ANKS1B: variants seen among roughly 807,000 people sequenced by gnomAD.
ANKS1B encodes ankyrin repeat and sterile alpha motif domain-containing protein 1B.
In ANKS1B, 36 loss-of-function variants were observed where a neutral mutation model predicts 148.3. The ratio of observed to expected loss-of-function variants is 0.24; its 90% CI spans 0.19 to 0.32. The LOEUF (loss-of-function observed/expected upper bound fraction) is 0.32, where lower values mean the gene tolerates loss of function less well. ANKS1B is among the 10% of genes least tolerant of loss of function. The pLI is 1.00. For missense variants in ANKS1B, 1,157 were observed against 1,542.6 expected, an observed-to-expected ratio of 0.75 and a Z score of 4.19; for synonymous variants, 542 against 560.8, an observed-to-expected ratio of 0.97 and a Z score of 0.47.
At chr12:99,814,198 C>T (rs547557198) in intron 2 of ANKS1B, among the ~76,000 whole-genome samples, 21 of 151,614 alleles carry the variant, frequency 1.4e-4, no homozygotes, top group South Asian at 4.2e-4. Context: ...GATGAAATCA[C>T]GTAATTAGAC....
At chr12:99,861,915 A>T (rs1231827317) in intron 1 of ANKS1B, among the ~76,000 whole-genome samples, 2 of 150,096 alleles carry the variant, frequency 1.3e-5, no homozygotes, top group African/African-American at 2.5e-5. Context: ...GAAAAAAATT[A>T]ACACTTTTGG....
intron 14 of ANKS1B, among the ~76,000 whole-genome samples, chr12:99,217,680 T>G (rs969357950): frequency 6.6e-6 from 1 of 152,170 alleles, no homozygotes; most frequent in Non-Finnish European, 1.5e-5. Flanking sequence ...AAAATATAAC[T>G]GATCCCTTGT....
At chr12:99,844,921 T>C (rs2086379656) in intron 1 of ANKS1B, among the ~76,000 whole-genome samples, 1 of 152,174 alleles carries the variant, frequency 6.6e-6, no homozygotes, top group Non-Finnish European at 1.5e-5. Flanking sequence ...AGCAGGGGTT[T>C]GTAGTTCTTT....
intron 10 of ANKS1B, among the ~76,000 whole-genome samples, chr12:99,456,810 G>C (rs765913762): frequency 6.6e-6 from 1 of 152,070 alleles, no homozygotes; most frequent in Non-Finnish European, 1.5e-5. Flanking sequence ...TGATGTTCCC[G>C]AGGGAGAATA....
intron 17 of ANKS1B, among the ~76,000 whole-genome samples, chr12:98,927,899 T>A (rs950235359): frequency 1.3e-5 from 2 of 151,094 alleles, no homozygotes; most frequent in African/African-American, 2.4e-5. Flanking sequence ...AAATTAAACC[T>A]AAAGCAAGAA....
Position 99,361,134 on chromosome 12 carries a change from T to G in ANKS1B, c.1756+38497A>C, listed in dbSNP as rs1458663866. Among the ~76,000 whole-genome samples the G allele has an allele frequency of 2.0e-5, 3 of 152,126 alleles. No homozygotes were observed. The East Asian group carries it at 5.8e-4, about 29-fold the overall frequency. ...AACTAAAAGAGTGTAATTGGATTGT[T>G]TGTACACAAAGAATAAATGCTTGAA... On this transcript the variant is annotated intron_variant, in intron 12 of 26. Coordinates refer to ENST00000683438, the MANE Select transcript of ANKS1B (RefSeq NM_001352186.2).
intron 10 of ANKS1B, among the ~76,000 whole-genome samples, chr12:99,459,761 TAAAC>T (rs1304294885): frequency 6.6e-6 from 1 of 151,738 alleles, no homozygotes; most frequent in Non-Finnish European, 1.5e-5. Context: ...TAGATTGACA[TAAAC>T]AAATAGAAAC....
chr12:98,884,821 A>G (rs1241040737), intron 17 of ANKS1B, among the ~76,000 whole-genome samples: 1 of 151,402 alleles, frequency 6.6e-6, no homozygotes, highest in Middle Eastern at 3.4e-3. Flanking sequence ...AAAAAAAAAA[A>G]AAAAGAAACT....
intron 1 of ANKS1B, among the ~76,000 whole-genome samples, chr12:99,828,953 A>C (rs1036070679): frequency 1.3e-5 from 2 of 152,164 alleles, no homozygotes; most frequent in Non-Finnish European, 2.9e-5. Context: ...ACTGCACTGC[A>C]ACCTGGGTGA....
intron 22 of ANKS1B, among the ~76,000 whole-genome samples, chr12:98,787,292 A>G (rs912717171): frequency 2.6e-5 from 4 of 152,176 alleles, no homozygotes; most frequent in Admixed American, 2.0e-4. Context: ...TTCTGGGGAA[A>G]GGCTTCCGCG....
At chr12:99,822,650 T>C (rs2082655364) in intron 2 of ANKS1B, among the ~76,000 whole-genome samples, 1 of 152,248 alleles carries the variant, frequency 6.6e-6, no homozygotes. Flanking sequence ...TAGTATTCCA[T>C]GGTGCATATG....
intron 8 of ANKS1B, among the ~76,000 whole-genome samples, chr12:99,762,370 GA>G (rs2153609276): frequency 6.6e-6 from 1 of 151,578 alleles, no homozygotes; most frequent in East Asian, 2.1e-4. Context: ...ACAGAATAGA[GA>G]ACTCAGAAAT....
At chr12:99,676,689 T>C (rs2098574816) in intron 8 of ANKS1B, among the ~76,000 whole-genome samples, 1 of 152,248 alleles carries the variant, frequency 6.6e-6, no homozygotes, top group African/African-American at 2.4e-5. Context: ...ATGAAATGCA[T>C]GCTTGCTTCT....
At chr12:98,799,103 T>A in intron 21 of ANKS1B, 98 bp from the exon 22 acceptor site, 4 of 747,884 alleles carry the variant, frequency 5.3e-6, no homozygotes, top group Non-Finnish European at 4.0e-6. Context: ...CTAGGTTTCC[T>A]GGCTGTAAGT....
chr12:99,848,399 A>C (rs892707504), intron 1 of ANKS1B, among the ~76,000 whole-genome samples: 7 of 152,178 alleles, frequency 4.6e-5, no homozygotes, highest in Admixed American at 4.6e-4. Context: ...TTTTGCAAAG[A>C]GAAAAAGCAT....
intron 9 of ANKS1B, among the ~76,000 whole-genome samples, chr12:99,520,818 T>C (rs976584362): frequency 9.2e-5 from 14 of 152,134 alleles, no homozygotes; most frequent in Non-Finnish European, 1.5e-5. Flanking sequence ...TTTCTTGAGA[T>C]GGAGTTTCGC....
chr12:99,894,515 A>G (rs2093304661), intron 1 of ANKS1B, among the ~76,000 whole-genome samples: 1 of 139,672 alleles, frequency 7.2e-6, no homozygotes, highest in African/African-American at 2.6e-5. Context: ...TCTCAAAAAA[A>G]AAAAAAAAAA....
chr12:98,770,984 A>G (rs2098557242), intron 25 of ANKS1B, among the ~76,000 whole-genome samples: 1 of 152,220 alleles, frequency 6.6e-6, no homozygotes, highest in African/African-American at 2.4e-5. Context: ...TTATTAATAT[A>G]CTATATCAGA....
At chr12:99,676,281 T>C (rs748555627) in intron 8 of ANKS1B, among the ~76,000 whole-genome samples, 4 of 152,150 alleles carry the variant, frequency 2.6e-5, no homozygotes, top group Non-Finnish European at 5.9e-5. Flanking sequence ...CTTGATAGCA[T>C]TGTGAGCATA....
Sources: gnomAD v4.1 joint callset for allele counts (sites outside exome capture counted in the v4.1 genomes callset) on GRCh38, gnomAD v4.1.1 for gene constraint, MANE v1.5 for transcripts, NCBI Gene and HGNC (gene_info 2026-07-23, HGNC 2026-07-21) for gene names.